The following ADRA1B variants were observed in gnomAD, a reference collection of about 807,000 sequenced individuals.
The protein encoded by ADRA1B is alpha-1B adrenergic receptor.
ADRA1B carries 17 observed loss-of-function variants against 17.9 expected under a neutral mutation model. That is an observed-to-expected ratio of 0.95 (90% CI 0.65 to 1.42). The LOEUF (loss-of-function observed/expected upper bound fraction) is 1.42, where lower values mean the gene tolerates loss of function less well. Ranked by LOEUF, ADRA1B falls within the 40% of genes most tolerant of loss-of-function variation. The probability of loss-of-function intolerance (pLI) is 0.00; values close to 1 mark genes in which losing one functional copy is unlikely to be tolerated. For synonymous variants in ADRA1B, 366 were observed against 327.6 expected, an observed-to-expected ratio of 1.12 and a Z score of -1.27; for missense variants, 681 against 722.1, an observed-to-expected ratio of 0.94 and a Z score of 0.65.
chr5:159,933,630 A>C (rs1581045479), intron 1 of ADRA1B, among the ~76,000 whole-genome samples: 1 of 152,272 alleles, frequency 6.6e-6, no homozygotes, highest in East Asian at 1.9e-4. Flanking sequence ...GGGATGCAAC[A>C]CCCATCCATC....
At chr5:159,913,215 G>A (rs932434391), upstream of ADRA1B, among the ~76,000 whole-genome samples, 2 of 152,140 alleles carry the variant, frequency 1.3e-5, no homozygotes, top group Non-Finnish European at 2.9e-5. Context: ...CACAAGCGTC[G>A]AGTGAGTCAG....
At chr5:159,890,567 A>T (rs1753972089) in intron 1 of ADRA1B, among the ~76,000 whole-genome samples, 1 of 152,188 alleles carries the variant, frequency 6.6e-6, no homozygotes, top group Admixed American at 6.5e-5. Flanking sequence ...ACTCACTTAC[A>T]GGCTCATTCA....
chr5:159,947,749 A>G, intron 1 of ADRA1B: 1 of 985,450 alleles, frequency 1.0e-6, no homozygotes, highest in Non-Finnish European at 1.2e-6. Flanking sequence ...CAGGAAAGAA[A>G]TGAATGAGCA....
At chr5:159,954,929 T>C (rs1483052890) in intron 1 of ADRA1B, among the ~76,000 whole-genome samples, 1 of 152,078 alleles carries the variant, frequency 6.6e-6, no homozygotes, top group African/African-American at 2.4e-5. Context: ...ACCTGGAAGG[T>C]TTCCCCGCTG....
chr5:159,930,553 T>C (rs1754774833), intron 1 of ADRA1B, among the ~76,000 whole-genome samples: 1 of 152,202 alleles, frequency 6.6e-6, no homozygotes, highest in African/African-American at 2.4e-5. Context: ...CACTCCAGCC[T>C]GGGTGACAGG....
intron 1 of ADRA1B, among the ~76,000 whole-genome samples, chr5:159,944,933 C>T (rs894513696): frequency 2.6e-5 from 4 of 151,968 alleles, no homozygotes; most frequent in African/African-American, 7.3e-5. Context: ...ATGGACAAAT[C>T]GTACATATAA....
intron 1 of ADRA1B, among the ~76,000 whole-genome samples, chr5:159,885,785 A>G (rs1429674586): frequency 1.3e-5 from 2 of 152,222 alleles, no homozygotes; most frequent in East Asian, 3.8e-4. Context: ...GCTGCAACGA[A>G]AAACATCCCA....
chr5:159,916,597 T>G lies in ADRA1B; in HGVS notation c.-309T>G. On this transcript the variant is annotated 5_prime_UTR_variant, in exon 1 of 2. Coordinates refer to ENST00000306675, the MANE Select transcript of ADRA1B (RefSeq NM_000679.4). ...GGGCACCGCCGGGCGCCCCCGGCCC[T>G]GCCGCCCCCTCCTCCCCGCCGCTCC... is the stretch of plus-strand genomic sequence containing the variant. 2 of 161,554 alleles carry G rather than the reference T, an allele frequency of 1.2e-5. No individual in the cohort carries two copies. The highest frequency in any genetic ancestry group is 1.3e-5 in the Non-Finnish European group (1 of 77,240). The allele number at this position is 161,554 out of a possible 1,614,324, so 10.0% of individuals were successfully genotyped here. A position where few individuals can be genotyped will look rare whatever the true frequency, so the allele number is the denominator to read the frequency against.
intron 1 of ADRA1B, among the ~76,000 whole-genome samples, chr5:159,961,821 G>A (rs1298167924): frequency 1.3e-5 from 2 of 152,202 alleles, no homozygotes; most frequent in African/African-American, 2.4e-5. Context: ...AAACCACCCA[G>A]CCCATGGCTG....
chr5:159,924,555 AGGGGCAG>A (rs1445765143), intron 1 of ADRA1B, among the ~76,000 whole-genome samples: 1 of 152,086 alleles, frequency 6.6e-6, no homozygotes, highest in Non-Finnish European at 1.5e-5. Flanking sequence ...TCTGGGGCAG[AGGGGCAG>A]GGAGGGGAAG....
At chr5:159,977,317 G>A (rs78270219), downstream of ADRA1B, among the ~76,000 whole-genome samples, 1,951 of 152,242 alleles carry the variant, frequency 0.013, 33 homozygotes, top group African/African-American at 0.043. Flanking sequence ...AACACAACAC[G>A]GAAGGAGACC....
intron 1 of ADRA1B, among the ~76,000 whole-genome samples, chr5:159,893,412 A>T (rs1391504875): frequency 6.6e-6 from 1 of 152,226 alleles, no homozygotes; most frequent in South Asian, 2.1e-4. Flanking sequence ...CTTAATAGGG[A>T]TGAATATGAG....
intron 1 of ADRA1B, among the ~76,000 whole-genome samples, chr5:159,962,669 C>CTTTTT (rs113639158): frequency 3.2e-5 from 4 of 124,856 alleles, no homozygotes; most frequent in East Asian, 2.3e-4. Context: ...TGTTTTTCAG[C>CTTTTT]TTTTTTTTTT....
chr5:159,984,866 C>T, the ADRA1B span, among the ~76,000 whole-genome samples: 2 of 148,964 alleles, frequency 1.3e-5, no homozygotes, highest in East Asian at 2.0e-4. Context: ...GATCAGGCCA[C>T]ATCACTCCAG....
intron 1 of ADRA1B, among the ~76,000 whole-genome samples, chr5:159,951,789 A>G (rs1322647589): frequency 1.1e-4 from 17 of 152,046 alleles, no homozygotes; most frequent in Admixed American, 1.1e-3. Flanking sequence ...GTGCCCTTTT[A>G]TTGTCTGGCT....
Position 159,916,819 on chromosome 5 carries a change from A to T in ADRA1B, c.-87A>T. 7.4e-7 allele frequency: 1 copy of T among 1,353,694 alleles called. No individual in the cohort carries two copies. Among genetic ancestry groups the T allele is most frequent in the Non-Finnish European group, 1.0e-6 (1 of 995,450 alleles). 83.9% of individuals were successfully genotyped at this position (1,353,694 alleles called of 1,614,324 possible). A position where few individuals can be genotyped will look rare whatever the true frequency, so the allele number is the denominator to read the frequency against. The stretch of plus-strand genomic sequence containing the variant: ...GCCTCTGGGAAGAAGACCACGGGGG[A>T]AGCAAAGTTTCAGGGCAGCTGAGGA... On this transcript the variant is annotated 5_prime_UTR_variant, in exon 1 of 2. Transcript: ENST00000306675.
chr5:159,986,845 G>C, the ADRA1B span, among the ~76,000 whole-genome samples: 29 of 152,278 alleles, frequency 1.9e-4, no homozygotes, highest in African/African-American at 6.5e-4. Context: ...TGCCGGGTAA[G>C]GGCTAGGTTT....
chr5:159,873,958 CT>C (rs1297448718), intron 1 of ADRA1B, among the ~76,000 whole-genome samples: 2 of 152,108 alleles, frequency 1.3e-5, no homozygotes, highest in Admixed American at 6.5e-5. Flanking sequence ...TTAACCCCAC[CT>C]CTTTGTTTTT....
At chr5:159,919,548 G>C (rs1029487419) in intron 1 of ADRA1B, among the ~76,000 whole-genome samples, 2 of 152,226 alleles carry the variant, frequency 1.3e-5, no homozygotes, top group African/African-American at 2.4e-5. Context: ...CACAGTATCT[G>C]GTGTATAGCA....
Sources: gnomAD v4.1 joint callset for allele counts (sites outside exome capture counted in the v4.1 genomes callset) on GRCh38, gnomAD v4.1.1 for gene constraint, MANE v1.5 for transcripts, NCBI Gene and HGNC (gene_info 2026-07-23, HGNC 2026-07-21) for gene names.